The following GRM5 variants were observed in gnomAD, a reference collection of about 807,000 sequenced individuals.
GRM5 encodes glutamate metabotropic receptor 5.
GRM5 carries 19 observed loss-of-function variants against 83.1 expected under a neutral mutation model. The observed-to-expected ratio is 0.23, with a 90% CI of 0.16 to 0.34. GRM5 has a LOEUF of 0.34. Ranked by LOEUF, GRM5 falls within the 10% of genes least tolerant of loss-of-function variation. The pLI, the probability that GRM5 is intolerant of heterozygous loss-of-function variation, is 1.00. For missense variants in GRM5, 1,160 were observed against 1,588.3 expected (o/e 0.73, Z 4.58); for synonymous variants, 675 against 633.6 (o/e 1.07, Z -0.98).
At chr11:88,983,576 A>T (rs1338906950) in intron 2 of GRM5, among the ~76,000 whole-genome samples, 7 of 152,198 alleles carry the variant, frequency 4.6e-5, no homozygotes, top group African/African-American at 1.7e-4. Context: ...TTTTTATAAT[A>T]TCTCATAAAA....
chr11:88,797,578 C>T (rs1455801822), intron 3 of GRM5, among the ~76,000 whole-genome samples: 2 of 152,160 alleles, frequency 1.3e-5, no homozygotes, highest in African/African-American at 4.8e-5. Context: ...TGAGATGATA[C>T]TAAGACACTG....
intron 7 of GRM5, among the ~76,000 whole-genome samples, chr11:88,573,588 C>A (rs1943050035): frequency 6.6e-6 from 1 of 152,072 alleles, no homozygotes; most frequent in Admixed American, 6.6e-5. Flanking sequence ...CTGGTTAGGT[C>A]ATTTCAGGTA....
chr11:88,681,246 T>C (rs898709061), intron 3 of GRM5, among the ~76,000 whole-genome samples: 2 of 152,162 alleles, frequency 1.3e-5, no homozygotes, highest in Non-Finnish European at 2.9e-5. Context: ...TTTCTCTCTT[T>C]CTGTTTACTT....
At position 89,048,001 on chromosome 11, in the gene GRM5, A is replaced by G. The variant is rs201073186; in HGVS notation, c.-129T>C. Reference sequence around the variant, plus strand: ...AGAAATTAGCCAGCAATTCAGATGTATTTTCTAAAGGACCATTTTGTCCCC... The same window carrying G: ...AGAAATTAGCCAGCAATTCAGATGTGTTTTCTAAAGGACCATTTTGTCCCC... On this transcript the variant is annotated 5_prime_UTR_variant, in exon 2 of 10. Transcript: ENST00000305447. The G allele has an allele frequency of 3.0e-6, 2 of 671,628 alleles. No individual in the cohort carries two copies. The highest frequency in any genetic ancestry group is 5.1e-6 in the Non-Finnish European group (2 of 393,604). The allele number at this position is 671,628 out of a possible 1,614,324, so 41.6% of individuals were successfully genotyped here.
chr11:88,804,025 G>A (rs1224085490), intron 3 of GRM5, among the ~76,000 whole-genome samples: 4 of 151,590 alleles, frequency 2.6e-5, no homozygotes, highest in Non-Finnish European at 4.4e-5. Flanking sequence ...TCATTAAAAA[G>A]TCAGGAAACA....
At chr11:88,522,603 C>CTCTCTCTG (rs1206475339) in intron 9 of GRM5, among the ~76,000 whole-genome samples, 6 of 127,218 alleles carry the variant, frequency 4.7e-5, no homozygotes, top group African/African-American at 8.5e-5. Flanking sequence ...CTCTCTCTCT[C>CTCTCTCTG]TGTGTGTGTG....
At chr11:88,807,705 T>C (rs549515336) in intron 3 of GRM5, among the ~76,000 whole-genome samples, 1 of 152,182 alleles carries the variant, frequency 6.6e-6, no homozygotes, top group African/African-American at 2.4e-5. Flanking sequence ...TCAAATTGCA[T>C]TTAGTGTTTC....
intron 2 of GRM5, among the ~76,000 whole-genome samples, chr11:89,002,132 C>G (rs1940401494): frequency 6.6e-6 from 1 of 152,046 alleles, no homozygotes; most frequent in Admixed American, 6.6e-5. Context: ...GAACATATTT[C>G]TATTTTAAGT....
intron 3 of GRM5, among the ~76,000 whole-genome samples, chr11:88,805,260 C>T (rs556727865): frequency 1.1e-4 from 17 of 152,184 alleles, no homozygotes; most frequent in African/African-American, 1.9e-4. Context: ...GGCGTAATCT[C>T]GGCTCACTGC....
chr11:88,556,376 G>A (rs1484799073), intron 8 of GRM5, among the ~76,000 whole-genome samples: 1 of 148,392 alleles, frequency 6.7e-6, no homozygotes, highest in Non-Finnish European at 1.5e-5. Flanking sequence ...AGGCTGGAGT[G>A]CAATGGCGCA....
At chr11:88,992,472 A>T (rs1321502136) in intron 2 of GRM5, among the ~76,000 whole-genome samples, 3 of 152,172 alleles carry the variant, frequency 2.0e-5, no homozygotes, top group Non-Finnish European at 2.9e-5. Context: ...CTCCTCAGGG[A>T]TCTAGAACTA....
intron 4 of GRM5, among the ~76,000 whole-genome samples, chr11:88,630,217 G>A (rs1484555255): frequency 1.3e-5 from 2 of 151,928 alleles, no homozygotes; most frequent in African/African-American, 4.8e-5. Flanking sequence ...ATCTAATATA[G>A]TATATATTTC....
At chr11:88,890,057 C>A (rs1945115801) in intron 2 of GRM5, among the ~76,000 whole-genome samples, 1 of 152,054 alleles carries the variant, frequency 6.6e-6, no homozygotes, top group African/African-American at 2.4e-5. Flanking sequence ...TAAGGGATGG[C>A]AAATAGTAGT....
At chr11:88,637,287 A>C (rs1236121373) in intron 4 of GRM5, among the ~76,000 whole-genome samples, 1 of 152,116 alleles carries the variant, frequency 6.6e-6, no homozygotes, top group African/African-American at 2.4e-5. Flanking sequence ...TGGCAACAAA[A>C]GACAAAATTG....
chr11:88,802,074 G>A (rs775737179), intron 3 of GRM5, among the ~76,000 whole-genome samples: 1 of 152,092 alleles, frequency 6.6e-6, no homozygotes, highest in Non-Finnish European at 1.5e-5. Flanking sequence ...AGGAAGCGAG[G>A]TTCTATTTTT....
chr11:89,056,897 T>C (rs778082457), intron 1 of GRM5, among the ~76,000 whole-genome samples: 12 of 152,096 alleles, frequency 7.9e-5, no homozygotes, highest in Non-Finnish European at 1.2e-4. Context: ...TAGAAAACAA[T>C]AGACATATTT....
intron 8 of GRM5, among the ~76,000 whole-genome samples, chr11:88,549,852 A>G (rs569611081): frequency 6.6e-6 from 1 of 152,224 alleles, no homozygotes; most frequent in South Asian, 2.1e-4. Flanking sequence ...ATGTGATTAC[A>G]TTTTCACTTT....
chr11:88,891,338 A>G (rs1468518845), intron 2 of GRM5, among the ~76,000 whole-genome samples: 1 of 152,088 alleles, frequency 6.6e-6, no homozygotes, highest in Non-Finnish European at 1.5e-5. Flanking sequence ...ACTATCTGGA[A>G]TTCTATTTCA....
At chr11:88,673,230 A>C (rs765873216) in intron 3 of GRM5, among the ~76,000 whole-genome samples, 11 of 151,888 alleles carry the variant, frequency 7.2e-5, no homozygotes, top group Non-Finnish European at 1.0e-4. Context: ...CAAGGAAGTG[A>C]TTATAGGATG....
Sources: allele counts gnomAD v4.1 joint callset (sites outside exome capture counted in the v4.1 genomes callset), GRCh38; gene constraint gnomAD v4.1.1; transcripts MANE v1.5; gene names NCBI Gene and HGNC (gene_info 2026-07-23, HGNC 2026-07-21).